KLK3: variants seen among roughly 807,000 people sequenced by gnomAD.
KLK3 encodes the protein kallikrein related peptidase 3.
A neutral mutation model predicts 27.7 loss-of-function variants in KLK3; 23 were observed. The ratio of observed to expected loss-of-function variants is 0.83; its 90% CI spans 0.60 to 1.17. KLK3 has a LOEUF of 1.17. KLK3 is among the 50% of genes most tolerant of loss of function. KLK3 has a pLI of 0.00. For synonymous variants in KLK3, 142 were observed against 134.2 expected (o/e 1.06, Z -0.40); for missense variants, 322 against 338.1 (o/e 0.95, Z 0.37).
rs760883577 is a variant in KLK3 at position 50,858,089 on chromosome 19, A to G, written c.267A>G (p.Val89=). ...TTCATCCTGAAGACACAGGCCAGGT[A>G]TTTCAGGTCAGCCACAGCTTCCCAC... ...SLFHPEDTGQ[V]FQVSHSFPHP... Residue 89 remains valine, a synonymous_variant, in exon 3 of 5, where the codon GTA becomes GTG. Transcript: ENST00000326003. 1 of 1,613,962 alleles carries G rather than the reference A, an allele frequency of 6.2e-7. No homozygotes were observed. Among genetic ancestry groups the G allele is most frequent in the Admixed American group, 1.7e-5 (1 of 60,008 alleles).
chr19:50,859,854 C>G, intron 4 of KLK3, 118 bp from the exon 5 acceptor site: 1 of 1,508,688 alleles, frequency 6.6e-7, no homozygotes, highest in East Asian at 2.3e-5. Context: ...ACATTTCTCT[C>G]TTCTTCCAAA....
chr19:50,857,020 A>C (rs562639546), intron 2 of KLK3, among the ~76,000 whole-genome samples: 1 of 151,994 alleles, frequency 6.6e-6, no homozygotes, highest in African/African-American at 2.4e-5. Context: ...AAAATTAGCC[A>C]GGCGTGGTGG....
In KLK3 at chr19:50,860,114, T is replaced by C; in HGVS notation, c.773T>C (p.Val258Ala). 1 of 1,613,486 alleles carries C rather than the reference T, an allele frequency of 6.2e-7. No individual in the cohort carries two copies. Among genetic ancestry groups the C allele is most frequent in the Non-Finnish European group, 8.5e-7 (1 of 1,179,508 alleles). ...HYRKWIKDTI[V>A]ANP ...CGGAAGTGGATCAAGGACACCATCG[T>C]GGCCAACCCCTGAGCACCCCTATCA... Residue 258 changes from valine (V) to alanine (A), a missense_variant, in exon 5 of 5, where the codon GTG (valine) becomes GCG (alanine). By Grantham distance (64) the Val-to-Ala change is moderately conservative. Coordinates refer to ENST00000326003, the MANE Select transcript of KLK3 (RefSeq NM_001648.2).
In KLK3 at chr19:50,858,328, C is replaced by T. The variant is rs753323492; in HGVS notation, c.493+13C>T. ...GAACCAGAGGAGTGTACGCCTGGGC[C>T]AGATGGTGCAGCCGGGAGCCCAGAT... On this transcript the variant is annotated intron_variant, in intron 3 of 4. Coordinates refer to ENST00000326003, the MANE Select transcript of KLK3 (RefSeq NM_001648.2). 1.2e-6 allele frequency: 2 copies of T among 1,608,566 alleles called. No homozygotes were observed. The highest frequency in any genetic ancestry group is 1.1e-5 in the South Asian group (1 of 90,406).
At chr19:50,859,590 C>G (rs143518180) in intron 4 of KLK3, 1 of 1,613,688 alleles carries the variant, frequency 6.2e-7, no homozygotes, top group African/African-American at 1.3e-5. Flanking sequence ...CCATGGCTCC[C>G]TAGTGCCCTG....
chr19:50,858,940 A>C, intron 4 of KLK3: 1 of 452,366 alleles, frequency 2.2e-6, no homozygotes, highest in Non-Finnish European at 3.9e-6. Context: ...CACAGGCAGG[A>C]ACAGGGACCA....
chr19:50,855,176 CCTCACTCCCACACCAGGTCCCCG>C, intron 1 of KLK3, 175 bp downstream of exon 1: 1 of 628,882 alleles, frequency 1.6e-6, no homozygotes, highest in Admixed American at 2.7e-5. Flanking sequence ...TTGCAACAGT[CCTCACTCCCACACCAGGTCCCCG>C]CTCCCTCCCA....
In KLK3 at chr19:50,854,989, G is replaced by C; in HGVS notation, c.34G>C (p.Val12Leu). 6.2e-7 allele frequency: 1 copy of C among 1,613,832 alleles called. No individual in the cohort carries two copies. The highest frequency in any genetic ancestry group is 1.7e-4 in the Middle Eastern group (1 of 6,060). The change falls in exon 1 of 5, where the codon GTG becomes CTG. Residue 12 changes from valine (V) to leucine (L), a missense_variant. Transcript: ENST00000326003. Reference sequence around the variant, plus strand: ...CCCGGTTGTCTTCCTCACCCTGTCCGTGACGTGGATTGGTGAGAGGGGCCA... The same window carrying C: ...CCCGGTTGTCTTCCTCACCCTGTCCCTGACGTGGATTGGTGAGAGGGGCCA... ...WVPVVFLTLSVTWIGAAPLIL... is the reference protein window; with the variant it reads ...WVPVVFLTLSLTWIGAAPLIL...
At chr19:50,859,379 G>C in intron 4 of KLK3, 3 of 598,188 alleles carry the variant, frequency 5.0e-6, no homozygotes, top group Non-Finnish European at 9.0e-6. Flanking sequence ...ACTGCAGGGA[G>C]GGAGGGCAGC....
At chr19:50,858,855 C>T (rs2090166507) in intron 4 of KLK3, 3 of 586,972 alleles carry the variant, frequency 5.1e-6, no homozygotes, top group Admixed American at 3.0e-5. Flanking sequence ...CCAGCACTGC[C>T]CTAGAGCCTG....
chr19:50,858,926 G>C, intron 4 of KLK3: 1 of 473,508 alleles, frequency 2.1e-6, no homozygotes, highest in Non-Finnish European at 3.7e-6. Flanking sequence ...AAGCCAGTGA[G>C]GGGCACAGGC....
chr19:50,859,387 A>G (rs1263509308), intron 4 of KLK3: 2 of 618,800 alleles, frequency 3.2e-6, no homozygotes, highest in Admixed American at 4.9e-5. Context: ...GAGGGAGGGC[A>G]GCAGGGATGT....
At position 50,860,621 on chromosome 19, in the gene KLK3, G is replaced by C. The variant is rs951261428; in HGVS notation, c.*494G>C. The C allele has an allele frequency of 1.3e-5, 2 of 152,682 alleles. No individual in the cohort carries two copies. Among genetic ancestry groups the C allele is most frequent in the Admixed American group, 1.3e-4 (2 of 15,302 alleles). The allele number at this position is 152,682 out of a possible 1,614,324, so 9.5% of individuals were successfully genotyped here. On this transcript the variant is annotated 3_prime_UTR_variant, in exon 5 of 5. Transcript: ENST00000326003. ...GGAGGGAGGGTCTTCCTTTGGCATG[G>C]GATGGGGATGAAGTAAGGAGAGGGA... is the stretch of plus-strand genomic sequence containing the variant.
chr19:50,858,062 G>C lies in KLK3; in HGVS notation c.240G>C (p.Leu80=). The change falls in exon 3 of 5, where the codon CTG becomes CTC. Residue 80 remains leucine (L), a synonymous_variant. Transcript: ENST00000326003. Reference sequence around the variant, plus strand: ...TGATCTTGCTGGGTCGGCACAGCCTGTTTCATCCTGAAGACACAGGCCAGG... The same window carrying C: ...TGATCTTGCTGGGTCGGCACAGCCTCTTTCATCCTGAAGACACAGGCCAGG... ...KSVILLGRHS[L]FHPEDTGQVF... The C allele has an allele frequency of 1.2e-6, 2 of 1,613,512 alleles. No individual in the cohort carries two copies. Among genetic ancestry groups the C allele is most frequent in the Non-Finnish European group, 1.7e-6 (2 of 1,179,950 alleles).
At chr19:50,859,818 C>A in intron 4 of KLK3, 154 bp from the exon 5 acceptor site, 1 of 1,476,164 alleles carries the variant, frequency 6.8e-7, no homozygotes, top group Non-Finnish European at 9.0e-7. Context: ...TCCCTGCCCA[C>A]CTTCTTCTGG....
chr19:50,855,902 C>T (rs936713822), intron 1 of KLK3: 5 of 196,984 alleles, frequency 2.5e-5, no homozygotes, highest in Non-Finnish European at 5.1e-5. Context: ...TTTCCCTTCT[C>T]CCAGTCCAAG....
chr19:50,857,158 G>A (rs191177367), intron 2 of KLK3, among the ~76,000 whole-genome samples: 9,265 of 51,022 alleles, frequency 0.18, 364 homozygotes, highest in South Asian at 0.21. Context: ...GTGAGACTCC[G>A]CCTCAAAAAA....
chr19:50,856,545 G>A, intron 2 of KLK3, 146 bp downstream of exon 2: 1 of 1,006,870 alleles, frequency 9.9e-7, no homozygotes, highest in Middle Eastern at 3.3e-4. Context: ...TGGGGAGGCA[G>A]GGTTGGGGCT....
chr19:50,859,990 C>T lies in KLK3; in HGVS notation c.649C>T (p.Leu217Phe). 6.2e-7 allele frequency: 1 copy of T among 1,613,282 alleles called. No individual in the cohort carries two copies. The highest frequency in any genetic ancestry group is 8.5e-7 in the Non-Finnish European group (1 of 1,179,364). ...STCSGDSGGPLVCNGVLQGIT... is the reference protein window; with the variant it reads ...STCSGDSGGPFVCNGVLQGIT... ...CCCTTAGGGTGATTCTGGGGGCCCA[C>T]TTGTCTGTAATGGTGTGCTTCAAGG... The change falls in exon 5 of 5, where the codon CTT becomes TTT. Residue 217 changes from leucine to phenylalanine, a missense_variant. Coordinates refer to ENST00000326003, the MANE Select transcript of KLK3 (RefSeq NM_001648.2).
Sources: gnomAD v4.1 joint callset for allele counts (sites outside exome capture counted in the v4.1 genomes callset) on GRCh38, gnomAD v4.1.1 for gene constraint, MANE v1.5 for transcripts, NCBI Gene and HGNC (gene_info 2026-07-23, HGNC 2026-07-21) for gene names.